The following TMEM132D variants were observed in gnomAD, a reference collection of about 807,000 sequenced individuals.
TMEM132D encodes mature OL transmembrane protein.
In TMEM132D, 21 loss-of-function variants were observed where a neutral mutation model predicts 62.3. The observed-to-expected ratio is 0.34, with a 90% CI of 0.24 to 0.49. The LOEUF is 0.49. TMEM132D is among the 20% of genes least tolerant of loss of function. TMEM132D has a pLI of 0.99. For synonymous variants in TMEM132D, 621 were observed against 575.6 expected (o/e 1.08, Z -1.13); for missense variants, 1,346 against 1,402.8 (o/e 0.96, Z 0.65).
chr12:129,458,613 C>T (rs1873557052), intron 3 of TMEM132D, among the ~76,000 whole-genome samples: 1 of 152,244 alleles, frequency 6.6e-6, no homozygotes, highest in Non-Finnish European at 1.5e-5. Flanking sequence ...GCTAATGAAA[C>T]TTGGACCTAA....
rs563395653 is a variant in TMEM132D at position 129,760,750 on chromosome 12, C to A, written c.80-60052G>T. Among the ~76,000 whole-genome samples the A allele has an allele frequency of 2.6e-5, 4 of 151,904 alleles. No individual in the cohort carries two copies. In the South Asian group the frequency reaches 8.4e-4, roughly 32 times the overall value. On this transcript the variant is annotated intron_variant, in intron 1 of 8. Transcript: ENST00000422113. The stretch of plus-strand genomic sequence containing the variant: ...ATGGTGGTGTGCTGCACCCATCAAC[C>A]CCTCCTCTAGGTTTTAAGCCCTGCA...
At chr12:129,113,328 CA>C (rs1266921939) in intron 5 of TMEM132D, 1 of 152,130 alleles carries the variant, frequency 6.6e-6, no homozygotes, top group African/African-American at 2.4e-5. Flanking sequence ...GCTTTCTGTC[CA>C]GGGGGCAGAT....
rs182267487 is a variant in TMEM132D at position 129,740,670 on chromosome 12, C to G, written c.80-39972G>C. On this transcript the variant is annotated intron_variant, in intron 1 of 8. Transcript: ENST00000422113. ...GCCACATACCCAACATTACAAAGCA[C>G]AGATTAAAACATGAATAGAACAGTA... Among the ~76,000 whole-genome samples, 172 of 152,118 alleles carry G rather than the reference C, an allele frequency of 1.1e-3. 1 individual carries two copies. The highest frequency in any genetic ancestry group is 3.8e-3 in the African/African-American group (156 of 41,490).
chr12:129,679,939 C>G (rs1880737646), intron 2 of TMEM132D, among the ~76,000 whole-genome samples: 1 of 152,100 alleles, frequency 6.6e-6, no homozygotes, highest in African/African-American at 2.4e-5. Context: ...GGTTCATGCT[C>G]AACTTGAACA....
intron 2 of TMEM132D, among the ~76,000 whole-genome samples, chr12:129,577,588 C>T (rs1259735338): frequency 6.6e-6 from 1 of 151,572 alleles, no homozygotes; most frequent in Non-Finnish European, 1.5e-5. Flanking sequence ...AATTTTGTGG[C>T]AGTAAATACT....
intron 1 of TMEM132D, among the ~76,000 whole-genome samples, chr12:129,892,122 C>A (rs1490158291): frequency 1.3e-5 from 2 of 152,178 alleles, no homozygotes; most frequent in Non-Finnish European, 2.9e-5. Flanking sequence ...CCCATCCTTA[C>A]AAACAGCAAA....
chr12:129,139,253 A>T (rs1365594912), intron 5 of TMEM132D, among the ~76,000 whole-genome samples: 1 of 152,204 alleles, frequency 6.6e-6, no homozygotes, highest in Non-Finnish European at 1.5e-5. Flanking sequence ...CATTTCCAGT[A>T]GTCTCTGACT....
intron 2 of TMEM132D, among the ~76,000 whole-genome samples, chr12:129,606,352 T>C (rs1016367115): frequency 1.3e-5 from 2 of 151,990 alleles, no homozygotes; most frequent in Non-Finnish European, 2.9e-5. Context: ...ACATGAGGGG[T>C]ATCTAGGTCT....
chr12:129,318,803 T>C (rs1216910477), intron 4 of TMEM132D, among the ~76,000 whole-genome samples: 1 of 152,098 alleles, frequency 6.6e-6, no homozygotes, highest in African/African-American at 2.4e-5. Context: ...CTGCTGCTGC[T>C]GCTATGGGGG....
In TMEM132D at chr12:129,849,927, G is replaced by A. The variant is rs956667; in HGVS notation, c.79+53334C>T. On this transcript the variant is annotated intron_variant, in intron 1 of 8. Coordinates refer to ENST00000422113, the MANE Select transcript of TMEM132D (RefSeq NM_133448.3). ...CTTCCCACCATTCCACACCACCTCA[G>A]CCTGCCTGTCTTGTCAAATGGATGG... Among the ~76,000 whole-genome samples the A allele has an allele frequency of 4.3e-3, 659 of 152,114 alleles. 3 individuals carry two copies. The highest frequency in any genetic ancestry group is 0.015 in the African/African-American group (635 of 41,480).
intron 5 of TMEM132D, among the ~76,000 whole-genome samples, chr12:129,200,440 C>A (rs1234032041): frequency 6.6e-6 from 1 of 152,184 alleles, no homozygotes; most frequent in Non-Finnish European, 1.5e-5. Flanking sequence ...GAGAACTCTT[C>A]CCTGCAGGTG....
intron 1 of TMEM132D, among the ~76,000 whole-genome samples, chr12:129,719,202 T>TGAGCCGAGA (rs1358041001): frequency 6.6e-6 from 1 of 151,740 alleles, no homozygotes; most frequent in Non-Finnish European, 1.5e-5. Flanking sequence ...GAGGCTGCAG[T>TGAGCCGAGA]GAGCCGAGAT....
intron 3 of TMEM132D, among the ~76,000 whole-genome samples, chr12:129,445,322 G>A (rs1361971521): frequency 6.6e-6 from 1 of 152,108 alleles, no homozygotes. Flanking sequence ...GTGGAGTGTG[G>A]GAGGAAGGAG....
intron 3 of TMEM132D, among the ~76,000 whole-genome samples, chr12:129,431,377 G>T (rs1480899313): frequency 6.6e-6 from 1 of 152,184 alleles, no homozygotes; most frequent in Non-Finnish European, 1.5e-5. Context: ...ATCTCTCACA[G>T]GGGATTTATG....
chr12:129,656,324 G>C (rs1453145143), intron 2 of TMEM132D, among the ~76,000 whole-genome samples: 2 of 152,134 alleles, frequency 1.3e-5, no homozygotes, highest in Non-Finnish European at 2.9e-5. Context: ...AGAGGAGGGA[G>C]AGAGAAAGAA....
At chr12:129,694,979 C>G (rs1336729053) in intron 2 of TMEM132D, among the ~76,000 whole-genome samples, 1 of 152,022 alleles carries the variant, frequency 6.6e-6, no homozygotes, top group South Asian at 2.1e-4. Context: ...TTGCACTCCA[C>G]CCTGGGTGAC....
chr12:129,399,238 T>C (rs1342990274), intron 3 of TMEM132D, among the ~76,000 whole-genome samples: 2 of 131,400 alleles, frequency 1.5e-5, no homozygotes, highest in African/African-American at 3.7e-5. Context: ...AGCTAACCCA[T>C]TCCCATGACA....
At chr12:129,655,422 T>G (rs998018840) in intron 2 of TMEM132D, among the ~76,000 whole-genome samples, 1 of 151,856 alleles carries the variant, frequency 6.6e-6, no homozygotes, top group Non-Finnish European at 1.5e-5. Flanking sequence ...AATTTTTGTA[T>G]TTTTAGTAGA....
chr12:129,095,578 C>T (rs1023908556), intron 5 of TMEM132D, among the ~76,000 whole-genome samples: 1 of 152,114 alleles, frequency 6.6e-6, no homozygotes, highest in African/African-American at 2.4e-5. Context: ...TCTCAAACTC[C>T]TGACCTCAGG....
Sources: gnomAD v4.1 joint callset for allele counts (sites outside exome capture counted in the v4.1 genomes callset) on GRCh38, gnomAD v4.1.1 for gene constraint, MANE v1.5 for transcripts, NCBI Gene and HGNC (gene_info 2026-07-23, HGNC 2026-07-21) for gene names.